LDB2: variants seen among roughly 807,000 people sequenced by gnomAD.
LDB2 encodes LIM domain binding 2, also known as LIM domain-binding protein 2.
Under a neutral mutation model 44.3 loss-of-function variants are expected in LDB2, and 12 were observed. The ratio of observed to expected loss-of-function variants is 0.27; its 90% CI spans 0.17 to 0.44. The LOEUF is 0.44. LDB2 is among the 20% of genes least tolerant of loss of function. The pLI is 1.00. For synonymous variants in LDB2, 164 were observed against 174.8 expected (o/e 0.94, Z 0.49); for missense variants, 344 against 473.5 (o/e 0.73, Z 2.54).
intron 5 of LDB2, among the ~76,000 whole-genome samples, chr4:16,564,194 A>G (rs986119295): frequency 1.3e-5 from 2 of 152,056 alleles, no homozygotes; most frequent in African/African-American, 4.8e-5. Context: ...AATCCAACAC[A>G]TAAAAAAATA....
At chr4:16,659,665 ATG>A (rs1285754753) in intron 2 of LDB2, among the ~76,000 whole-genome samples, 5 of 104,488 alleles carry the variant, frequency 4.8e-5, no homozygotes, top group African/African-American at 1.5e-4. Flanking sequence ...GAGTATATCT[ATG>A]TGTGTATATA....
At chr4:16,534,389 C>T (rs894757317) in intron 5 of LDB2, among the ~76,000 whole-genome samples, 2 of 152,180 alleles carry the variant, frequency 1.3e-5, no homozygotes, top group East Asian at 1.9e-4. Context: ...GGACTTGCCT[C>T]ATAATTTCCA....
intron 7 of LDB2, chr4:16,503,250 C>T (rs1373556245): frequency 2.1e-6 from 2 of 968,332 alleles, no homozygotes; most frequent in African/African-American, 1.6e-5. Flanking sequence ...TCAATACCTC[C>T]AAAAATCTGC....
chr4:16,663,268 A>G (rs74725772), intron 2 of LDB2, among the ~76,000 whole-genome samples: 291 of 152,316 alleles, frequency 1.9e-3, no homozygotes, highest in African/African-American at 6.7e-3. Flanking sequence ...GTAAATGTTT[A>G]ACATTTGGTT....
At chr4:16,619,385 C>T (rs974793455) in intron 2 of LDB2, among the ~76,000 whole-genome samples, 2 of 152,104 alleles carry the variant, frequency 1.3e-5, no homozygotes, top group Non-Finnish European at 2.9e-5. Flanking sequence ...GTTTTCAAAC[C>T]ACCAGGACTG....
chr4:16,587,085 G>A (rs1371431109), intron 4 of LDB2, among the ~76,000 whole-genome samples: 2 of 152,150 alleles, frequency 1.3e-5, no homozygotes. Context: ...CCACTCTTAT[G>A]TGCTAGGAAG....
chr4:16,633,748 A>C (rs1040966312), intron 2 of LDB2, among the ~76,000 whole-genome samples: 1 of 152,228 alleles, frequency 6.6e-6, no homozygotes, highest in Admixed American at 6.5e-5. Flanking sequence ...TCTTCACAGA[A>C]CTGGAAAAAA....
chr4:16,622,629 G>A (rs1196296595), intron 2 of LDB2, among the ~76,000 whole-genome samples: 1 of 152,218 alleles, frequency 6.6e-6, no homozygotes, highest in Admixed American at 6.5e-5. Context: ...CAAGGCAGGA[G>A]CAGATCTGGA....
chr4:16,671,112 A>AC (rs895998238), intron 2 of LDB2, among the ~76,000 whole-genome samples: 1 of 125,042 alleles, frequency 8.0e-6, no homozygotes, highest in Non-Finnish European at 1.9e-5. Context: ...CACATACAAA[A>AC]AAAAAAAACA....
chr4:16,752,913 G>A (rs978789194), intron 2 of LDB2, among the ~76,000 whole-genome samples: 1 of 152,104 alleles, frequency 6.6e-6, no homozygotes, highest in Non-Finnish European at 1.5e-5. Context: ...GAATGTTTAG[G>A]GAAGCAAAAT....
intron 1 of LDB2, among the ~76,000 whole-genome samples, chr4:16,875,601 T>C (rs2110382185): frequency 6.6e-6 from 1 of 152,304 alleles, no homozygotes; most frequent in East Asian, 1.9e-4. Context: ...TTTTGACCAA[T>C]AGAAGAGTCT....
chr4:16,751,711 G>A (rs1765526442), intron 2 of LDB2, among the ~76,000 whole-genome samples: 1 of 152,208 alleles, frequency 6.6e-6, no homozygotes, highest in African/African-American at 2.4e-5. Flanking sequence ...GTGATGAACT[G>A]TCTTTCTCCC....
chr4:16,634,264 G>A (rs1732901244), intron 2 of LDB2, among the ~76,000 whole-genome samples: 1 of 146,840 alleles, frequency 6.8e-6, no homozygotes, highest in African/African-American at 2.5e-5. Flanking sequence ...TTGACAAATG[G>A]GATCTAATTA....
intron 2 of LDB2, among the ~76,000 whole-genome samples, chr4:16,609,573 C>G (rs911777191): frequency 1.3e-5 from 2 of 152,206 alleles, no homozygotes; most frequent in African/African-American, 4.8e-5. Flanking sequence ...CCCAACACAT[C>G]GGCTGTGGCA....
intron 1 of LDB2, among the ~76,000 whole-genome samples, chr4:16,887,229 AAAAAAG>A (rs1472206927): frequency 6.6e-6 from 1 of 151,520 alleles, no homozygotes; most frequent in South Asian, 2.1e-4. Flanking sequence ...TGAAAAAAAA[AAAAAAG>A]AAAAAGAATA....
rs1716652873 is a variant in LDB2 at position 16,585,988 on chromosome 4, G to A, written c.549C>T (p.Val183=). 6.2e-7 allele frequency: 1 copy of A among 1,613,610 alleles called. No homozygotes were observed. Among genetic ancestry groups the A allele is most frequent in the Non-Finnish European group, 8.5e-7 (1 of 1,179,736 alleles). Residue 183 remains valine (V), a synonymous_variant, in exon 5 of 8, where the codon GTC becomes GTT. Coordinates refer to ENST00000304523, the MANE Select transcript of LDB2 (RefSeq NM_001290.5). The stretch of plus-strand genomic sequence containing the variant: ...TGATGTTTTTGGACAGCTGATCCAG[G>A]ACCTGAGGATCTTGTGCCTAAATGG... ...ILAMHAQDPQ[V]LDQLSKNITR...
chr4:16,522,529 A>T (rs1726604860), intron 5 of LDB2, among the ~76,000 whole-genome samples: 1 of 152,182 alleles, frequency 6.6e-6, no homozygotes, highest in Non-Finnish European at 1.5e-5. Flanking sequence ...TATATGAGCA[A>T]AAGTACAAAG....
At chr4:16,753,436 A>G (rs1458062004) in intron 2 of LDB2, among the ~76,000 whole-genome samples, 3 of 152,230 alleles carry the variant, frequency 2.0e-5, no homozygotes, top group Non-Finnish European at 4.4e-5. Context: ...CTTAGTCAAT[A>G]CTGCAAAGCT....
At chr4:16,784,754 A>C (rs1774018561) in intron 1 of LDB2, among the ~76,000 whole-genome samples, 1 of 151,768 alleles carries the variant, frequency 6.6e-6, no homozygotes, top group Admixed American at 6.6e-5. Flanking sequence ...GTAGCCCACC[A>C]CTCTCTCCTT....
Sources: gnomAD v4.1 joint callset for allele counts (sites outside exome capture counted in the v4.1 genomes callset) on GRCh38, gnomAD v4.1.1 for gene constraint, MANE v1.5 for transcripts, NCBI Gene and HGNC (gene_info 2026-07-23, HGNC 2026-07-21) for gene names.